The following RANBP2 variants were observed in gnomAD, a reference collection of about 807,000 sequenced individuals.
RANBP2 encodes E3 SUMO-protein ligase RanBP2.
A neutral mutation model predicts 303.6 loss-of-function variants in RANBP2; 57 were observed. The ratio of observed to expected loss-of-function variants is 0.19; its 90% CI spans 0.15 to 0.23. The LOEUF (loss-of-function observed/expected upper bound fraction) is 0.23, where lower values mean the gene tolerates loss of function less well. Ranked by LOEUF, RANBP2 falls within the 10% of genes least tolerant of loss-of-function variation. The pLI is 1.00. For synonymous variants in RANBP2, 1,167 were observed against 1,301.5 expected (o/e 0.90, Z 2.23); for missense variants, 3,138 against 3,780.8 (o/e 0.83, Z 4.46).
At chr2:109,412,312 A>C in the RANBP2 span, among the ~76,000 whole-genome samples, 3 of 152,074 alleles carry the variant, frequency 2.0e-5, no homozygotes, top group African/African-American at 7.2e-5. Flanking sequence ...GGACATTGGG[A>C]GGTGGAGATC....
chr2:109,521,485 C>A, the RANBP2 span, among the ~76,000 whole-genome samples: 9 of 152,336 alleles, frequency 5.9e-5, no homozygotes, highest in African/African-American at 1.2e-4. Context: ...GAAACCCACA[C>A]CCCTGGAAGT....
the RANBP2 span, among the ~76,000 whole-genome samples, chr2:108,957,736 A>AC: frequency 2.0e-5 from 3 of 152,250 alleles, no homozygotes; most frequent in Admixed American, 6.5e-5. Flanking sequence ...GAGAAGCCTC[A>AC]CAATCCATGT....
At chr2:109,292,231 A>G in the RANBP2 span, among the ~76,000 whole-genome samples, 1 of 152,252 alleles carries the variant, frequency 6.6e-6, no homozygotes, top group South Asian at 2.1e-4. Context: ...GAAAATTTGT[A>G]ATGTATAAAT....
chr2:109,435,177 C>T, the RANBP2 span, among the ~76,000 whole-genome samples: 5,243 of 152,288 alleles, frequency 0.034, 274 homozygotes, highest in African/African-American at 0.11. Context: ...GAACTGCGCC[C>T]GGGTCGGCTG....
chr2:109,122,138 G>A, the RANBP2 span, among the ~76,000 whole-genome samples: 1 of 152,178 alleles, frequency 6.6e-6, no homozygotes, highest in Non-Finnish European at 1.5e-5. Flanking sequence ...GATTCAGGAG[G>A]GAACACGCTT....
At chr2:108,810,734 T>A in the RANBP2 span, among the ~76,000 whole-genome samples, 1 of 152,222 alleles carries the variant, frequency 6.6e-6, no homozygotes, top group African/African-American at 2.4e-5. Context: ...AATTGGTATT[T>A]GTTCTTTAAA....
chr2:109,423,010 G>C, the RANBP2 span, among the ~76,000 whole-genome samples: 228 of 152,306 alleles, frequency 1.5e-3, no homozygotes, highest in Non-Finnish European at 2.6e-3. Flanking sequence ...GGAACTCTTG[G>C]CACAGAGCCT....
chr2:108,811,839 A>G, the RANBP2 span, among the ~76,000 whole-genome samples: 1 of 151,872 alleles, frequency 6.6e-6, no homozygotes, highest in Non-Finnish European at 1.5e-5. Flanking sequence ...CCCATTGTTT[A>G]TCTTTGACTT....
At chr2:109,614,617 G>C in the RANBP2 span, 4 of 1,459,762 alleles carry the variant, frequency 2.7e-6, no homozygotes, top group South Asian at 3.9e-5. Flanking sequence ...GGCGCCCTAG[G>C]CGGCGAACCG....
At chr2:108,731,744 A>G in intron 4 of RANBP2, 2 of 494,418 alleles carry the variant, frequency 4.0e-6, no homozygotes, top group East Asian at 1.1e-4. Flanking sequence ...AAGTAGAGCT[A>G]AGATTTACAT....
At chr2:109,381,128 G>A in the RANBP2 span, among the ~76,000 whole-genome samples, 1 of 152,234 alleles carries the variant, frequency 6.6e-6, no homozygotes, top group African/African-American at 2.4e-5. Flanking sequence ...TGGATGCGAC[G>A]ATGGAAGGCT....
chr2:109,007,977 T>C, the RANBP2 span, among the ~76,000 whole-genome samples: 1 of 152,190 alleles, frequency 6.6e-6, no homozygotes, highest in Non-Finnish European at 1.5e-5. Flanking sequence ...AGCAGGATGA[T>C]TTCTTCTTCT....
At chr2:109,661,222 C>T in the RANBP2 span, among the ~76,000 whole-genome samples, 2 of 148,424 alleles carry the variant, frequency 1.3e-5, no homozygotes, top group African/African-American at 2.5e-5. Context: ...GGTGAAGGGG[C>T]ATGAGGGAGC....
chr2:109,611,733 C>T, the RANBP2 span, among the ~76,000 whole-genome samples: 3 of 152,188 alleles, frequency 2.0e-5, no homozygotes, highest in Non-Finnish European at 4.4e-5. Flanking sequence ...CACCACTGCA[C>T]TCTAGCCTGG....
At chr2:109,365,051 AAAACAAAC>A in the RANBP2 span, among the ~76,000 whole-genome samples, 29 of 151,484 alleles carry the variant, frequency 1.9e-4, no homozygotes, top group Admixed American at 2.0e-4. Flanking sequence ...ACACACATAT[AAAACAAAC>A]AAACAAACAA....
chr2:109,342,790 G>C, the RANBP2 span, among the ~76,000 whole-genome samples: 3 of 152,222 alleles, frequency 2.0e-5, no homozygotes. Context: ...CCATCTCCAC[G>C]GGTAGGACAT....
the RANBP2 span, among the ~76,000 whole-genome samples, chr2:109,372,984 C>T: frequency 6.6e-6 from 1 of 152,210 alleles, no homozygotes; most frequent in Non-Finnish European, 1.5e-5. Context: ...TGCAGTTAGT[C>T]CATAGTCTAT....
At chr2:109,010,350 C>G in the RANBP2 span, among the ~76,000 whole-genome samples, 4 of 148,398 alleles carry the variant, frequency 2.7e-5, no homozygotes, top group Non-Finnish European at 4.5e-5. Context: ...CACCCACACA[C>G]TCTTCCCATC....
the RANBP2 span, among the ~76,000 whole-genome samples, chr2:109,125,852 G>A: frequency 6.6e-6 from 1 of 152,244 alleles, no homozygotes; most frequent in Non-Finnish European, 1.5e-5. Context: ...ATTCCCTCAC[G>A]CTGTAGCACA....
Sources: gnomAD v4.1 joint callset for allele counts (sites outside exome capture counted in the v4.1 genomes callset) on GRCh38, gnomAD v4.1.1 for gene constraint, MANE v1.5 for transcripts, NCBI Gene and HGNC (gene_info 2026-07-23, HGNC 2026-07-21) for gene names.